Variants in CSPP1 observed in about 807,000 individuals in gnomAD.
CSPP1 encodes centrosome and spindle pole-associated protein 1.
In CSPP1, 126 loss-of-function variants were observed where a neutral mutation model predicts 164.4. That is an observed-to-expected ratio of 0.77 (90% confidence interval 0.66 to 0.89). CSPP1 has a LOEUF of 0.89. CSPP1 is among the 40% of genes least tolerant of loss of function. The pLI is 0.00. For synonymous variants in CSPP1, 472 were observed against 476.7 expected (o/e 0.99, Z 0.13); for missense variants, 1,395 against 1,449.8 (o/e 0.96, Z 0.61).
chr8:67,188,676 C>A (rs535482878), intron 28 of CSPP1, among the ~76,000 whole-genome samples: 457 of 152,288 alleles, frequency 3.0e-3, no homozygotes, highest in Middle Eastern at 0.017. Context: ...CTGTTTGCCG[C>A]CGTTGCAGAC....
At chr8:67,104,966 A>ATATATATATAT (rs1247108884) in intron 8 of CSPP1, among the ~76,000 whole-genome samples, 3 of 60,746 alleles carry the variant, frequency 4.9e-5, no homozygotes, top group African/African-American at 2.1e-4. Context: ...ATATATATAT[A>ATATATATATAT]TTTTTTTTTT....
At chr8:67,117,064 C>A (rs1818081191) in intron 13 of CSPP1, among the ~76,000 whole-genome samples, 1 of 152,076 alleles carries the variant, frequency 6.6e-6, no homozygotes, top group African/African-American at 2.4e-5. Flanking sequence ...GGATTTTGGG[C>A]AAACCACACC....
chr8:67,160,239 C>T (rs533403873), intron 21 of CSPP1, among the ~76,000 whole-genome samples: 7 of 150,804 alleles, frequency 4.6e-5, no homozygotes, highest in East Asian at 2.0e-4. Flanking sequence ...TCGAGGCAGG[C>T]GGATCACTTG....
intron 4 of CSPP1, chr8:67,086,850 G>C: frequency 2.2e-6 from 3 of 1,356,414 alleles, no homozygotes; most frequent in Non-Finnish European, 3.0e-6. Flanking sequence ...AAGAAAGGTA[G>C]GGTTGTCTGC....
intron 7 of CSPP1, among the ~76,000 whole-genome samples, chr8:67,096,917 C>A (rs1276113604): frequency 6.6e-6 from 1 of 151,994 alleles, no homozygotes; most frequent in Admixed American, 6.6e-5. Context: ...AAAAAGGATA[C>A]CTTAAAATAG....
Position 67,086,447 on chromosome 8 carries a change from C to T in CSPP1, c.303+337C>T, listed in dbSNP as rs1810421825. Among the ~76,000 whole-genome samples the T allele has an allele frequency of 2.0e-5, 3 of 152,184 alleles. No homozygotes were observed. In the South Asian group the frequency reaches 6.2e-4, roughly 32 times the overall value. ...TGGTTTCCCACTCTTCTACACCCCC[C>T]AACTATGTATTAAAATGACATATGG... is the stretch of plus-strand genomic sequence containing the variant. On this transcript the variant is annotated intron_variant, in intron 4 of 30. Coordinates refer to ENST00000678616, the MANE Select transcript of CSPP1 (RefSeq NM_001382391.1).
At chr8:67,107,002 T>G (rs1463073202) in intron 9 of CSPP1, among the ~76,000 whole-genome samples, 1 of 152,054 alleles carries the variant, frequency 6.6e-6, no homozygotes, top group Admixed American at 6.6e-5. Flanking sequence ...TTTGTTTTGT[T>G]TTTATTTATT....
chr8:67,095,362 T>C lies in CSPP1; in HGVS notation c.553T>C (p.Ser185Pro). ...KPDLTSQIQT[S>P]CENSEGPRKD... ...TGATCTAACTTCACAAATACAGACA[T>C]CTTGTGAAAATTCAGAGGGTCCTAG... is the stretch of plus-strand genomic sequence containing the variant. Residue 185 changes from serine to proline, a missense_variant, in exon 7 of 31, where the codon TCT becomes CCT. Coordinates refer to ENST00000678616, the MANE Select transcript of CSPP1 (RefSeq NM_001382391.1). 6.2e-7 allele frequency: 1 copy of C among 1,607,426 alleles called. No individual in the cohort carries two copies. The highest frequency in any genetic ancestry group is 1.1e-5 in the South Asian group (1 of 89,366).
At chr8:67,139,733 TA>T (rs891808382) in intron 17 of CSPP1, among the ~76,000 whole-genome samples, 1 of 152,082 alleles carries the variant, frequency 6.6e-6, no homozygotes, top group Non-Finnish European at 1.5e-5. Flanking sequence ...CTCAGCAAAC[TA>T]TTGCAAGGAC....
chr8:67,080,825 T>A (rs1325963575), intron 3 of CSPP1: 1 of 152,224 alleles, frequency 6.6e-6, no homozygotes, highest in Admixed American at 6.5e-5. Flanking sequence ...AGGGAGACAT[T>A]ACCCTCCTAG....
chr8:67,087,361 C>T (rs1469557988), intron 4 of CSPP1, among the ~76,000 whole-genome samples: 3 of 152,128 alleles, frequency 2.0e-5, no homozygotes, highest in Admixed American at 2.0e-4. Context: ...CACAGATTCA[C>T]CATTCAACTA....
chr8:67,138,243 A>G (rs1245039895), intron 17 of CSPP1, among the ~76,000 whole-genome samples: 1 of 152,208 alleles, frequency 6.6e-6, no homozygotes, highest in African/African-American at 2.4e-5. Context: ...CATTGGTTCC[A>G]TGATCTCCTG....
chr8:67,108,005 TGGGTGGCTCAGAATATA>T (rs1815976995), intron 9 of CSPP1, among the ~76,000 whole-genome samples: 49 of 148,288 alleles, frequency 3.3e-4, no homozygotes, highest in African/African-American at 1.2e-3. Flanking sequence ...TTTTTTTGTT[TGGGTGGCTCAGAATATA>T]GTCTGTCTTG....
At chr8:67,091,644 G>A (rs1011918099) in intron 4 of CSPP1, among the ~76,000 whole-genome samples, 159 bp from the exon 5 acceptor site, 1 of 151,994 alleles carries the variant, frequency 6.6e-6, no homozygotes, top group African/African-American at 2.4e-5. Flanking sequence ...CTTTTGGTAT[G>A]GTCTATATAG....
At position 67,088,978 on chromosome 8, in the gene CSPP1, AGAAGGTGGGACTG is replaced by A. The variant is rs140323702; in HGVS notation, c.304-2819_304-2807del. On this transcript the variant is annotated intron_variant, in intron 4 of 30. Transcript: ENST00000678616. ...AGAGACAGTCTTTTGTTCACATTTG[AGAAGGTGGGACTG>A]GAAGGGAAAGCAAGAGAAAAAGAAA... is the stretch of plus-strand genomic sequence containing the variant. 7.2e-3 allele frequency among the ~76,000 whole-genome samples: 1,095 copies of A among 151,918 alleles called. 11 individuals are homozygous for A. Among genetic ancestry groups the A allele is most frequent in the African/African-American group, 0.025 (1,054 of 41,432 alleles).
At chr8:67,081,848 G>A (rs1809259451) in intron 3 of CSPP1, among the ~76,000 whole-genome samples, 1 of 152,092 alleles carries the variant, frequency 6.6e-6, no homozygotes, top group Non-Finnish European at 1.5e-5. Flanking sequence ...GGGCTCTGGG[G>A]ATCTTCCTGC....
chr8:67,142,105 C>G (rs1312491809), intron 17 of CSPP1, among the ~76,000 whole-genome samples: 1 of 151,958 alleles, frequency 6.6e-6, no homozygotes, highest in African/African-American at 2.4e-5. Flanking sequence ...AAAGTATCAC[C>G]CCTTTTAAAG....
chr8:67,094,552 G>A (rs13271960), intron 6 of CSPP1, among the ~76,000 whole-genome samples: 3,218 of 151,932 alleles, frequency 0.021, 46 homozygotes, highest in Middle Eastern at 0.041. Flanking sequence ...GATTACAGGC[G>A]TGAGCCACCA....
chr8:67,142,026 TAAG>T (rs1372118978), intron 17 of CSPP1, among the ~76,000 whole-genome samples: 3 of 152,322 alleles, frequency 2.0e-5, no homozygotes, highest in South Asian at 2.1e-4. Flanking sequence ...TTATCTTACC[TAAG>T]AAGATCTCAT....
Sources: allele counts gnomAD v4.1 joint callset (sites outside exome capture counted in the v4.1 genomes callset), GRCh38; gene constraint gnomAD v4.1.1; transcripts MANE v1.5; gene names NCBI Gene and HGNC (gene_info 2026-07-23, HGNC 2026-07-21).